RAB38: variants seen among roughly 807,000 people sequenced by gnomAD.
The protein encoded by RAB38 is RAB38, member RAS oncogene family.
Under a neutral mutation model 18.4 loss-of-function variants are expected in RAB38, and 15 were observed. The observed-to-expected ratio is 0.82, with a 90% CI of 0.55 to 1.26. The LOEUF is 1.26. Ranked by LOEUF, RAB38 falls within the 50% of genes most tolerant of loss-of-function variation. The probability of loss-of-function intolerance (pLI) is 0.00; values close to 1 mark genes in which losing one functional copy is unlikely to be tolerated. For missense variants in RAB38, 294 were observed against 267.4 expected (o/e 1.10, Z -0.69); for synonymous variants, 101 against 104.4 (o/e 0.97, Z 0.20).
the RAB38 span, among the ~76,000 whole-genome samples, chr11:87,889,030 A>G: frequency 6.6e-6 from 1 of 151,958 alleles, no homozygotes; most frequent in African/African-American, 2.4e-5. Context: ...AACACACAGA[A>G]CAGAACACTC....
chr11:88,089,489 A>T, the RAB38 span, among the ~76,000 whole-genome samples: 2 of 152,032 alleles, frequency 1.3e-5, no homozygotes, highest in Admixed American at 6.5e-5. Flanking sequence ...CTGCATTAAT[A>T]TATTTCCTGA....
the RAB38 span, among the ~76,000 whole-genome samples, chr11:88,014,841 A>G: frequency 6.6e-6 from 1 of 152,162 alleles, no homozygotes; most frequent in African/African-American, 2.4e-5. Flanking sequence ...TCAGGGCACT[A>G]CTGGAAATGT....
At chr11:87,842,845 C>G in the RAB38 span, among the ~76,000 whole-genome samples, 1 of 134,306 alleles carries the variant, frequency 7.4e-6, no homozygotes, top group Non-Finnish European at 1.6e-5. Flanking sequence ...CACACACACA[C>G]AAATCCCTTT....
intron 1 of RAB38, chr11:88,173,424 A>G (rs1943334819): frequency 7.3e-6 from 5 of 680,576 alleles, no homozygotes; most frequent in East Asian, 1.4e-4. Context: ...AAGATTGCCT[A>G]CTACATGCAG....
intron 1 of RAB38, among the ~76,000 whole-genome samples, chr11:88,155,968 C>T (rs1254138185): frequency 6.6e-6 from 1 of 152,032 alleles, no homozygotes; most frequent in Non-Finnish European, 1.5e-5. Flanking sequence ...CCCAGTCAGA[C>T]ATACATAAAA....
At chr11:88,080,903 A>G in the RAB38 span, among the ~76,000 whole-genome samples, 2 of 151,702 alleles carry the variant, frequency 1.3e-5, no homozygotes, top group Non-Finnish European at 3.0e-5. Flanking sequence ...AAAGAAGAAA[A>G]TAAAATAATA....
chr11:88,103,827 T>C, the RAB38 span, among the ~76,000 whole-genome samples: 2 of 152,158 alleles, frequency 1.3e-5, no homozygotes, highest in East Asian at 3.9e-4. Flanking sequence ...AGTGAGATCC[T>C]GCAGGAGGGA....
At chr11:87,974,107 A>G in the RAB38 span, among the ~76,000 whole-genome samples, 9 of 152,006 alleles carry the variant, frequency 5.9e-5, no homozygotes, top group Non-Finnish European at 1.0e-4. Flanking sequence ...ATAGTCAAAG[A>G]AGGAGGCAAA....
chr11:88,048,551 C>T, the RAB38 span, among the ~76,000 whole-genome samples: 4,426 of 152,232 alleles, frequency 0.029, 143 homozygotes, highest in East Asian at 0.15. Flanking sequence ...GGCCTGTCCT[C>T]GGAATGCTAC....
the RAB38 span, among the ~76,000 whole-genome samples, chr11:87,850,851 C>T: frequency 1.3e-5 from 2 of 152,244 alleles, no homozygotes; most frequent in South Asian, 4.1e-4. Flanking sequence ...TAGTGCTACA[C>T]CTTTCTTTAA....
At chr11:88,016,616 A>G in the RAB38 span, among the ~76,000 whole-genome samples, 3 of 151,938 alleles carry the variant, frequency 2.0e-5, no homozygotes, top group Non-Finnish European at 4.4e-5. Context: ...CACAAGGGGG[A>G]GCACTAATAC....
the RAB38 span, among the ~76,000 whole-genome samples, chr11:88,008,206 G>A: frequency 1.3e-5 from 2 of 152,044 alleles, no homozygotes; most frequent in African/African-American, 2.4e-5. Context: ...TATATTTACT[G>A]TATGTAAATT....
At chr11:88,161,298 C>T (rs2134845181) in intron 1 of RAB38, among the ~76,000 whole-genome samples, 1 of 152,092 alleles carries the variant, frequency 6.6e-6, no homozygotes, top group Middle Eastern at 3.4e-3. Flanking sequence ...AGCCTGAATT[C>T]CCTCCTCATC....
chr11:87,930,550 G>T, the RAB38 span, among the ~76,000 whole-genome samples: 2 of 152,104 alleles, frequency 1.3e-5, no homozygotes, highest in Non-Finnish European at 2.9e-5. Context: ...CTTTTGCTGT[G>T]CAGAAACTCT....
the RAB38 span, among the ~76,000 whole-genome samples, chr11:87,840,482 C>A: frequency 1.3e-5 from 2 of 152,148 alleles, no homozygotes; most frequent in South Asian, 2.1e-4. Flanking sequence ...GTCGGACTAC[C>A]TTTTCATCCA....
chr11:88,048,311 C>T, the RAB38 span, among the ~76,000 whole-genome samples: 3 of 152,200 alleles, frequency 2.0e-5, no homozygotes, highest in South Asian at 2.1e-4. Flanking sequence ...TCGGTTTGGC[C>T]TTCTCACTTC....
At chr11:88,025,132 A>G in the RAB38 span, among the ~76,000 whole-genome samples, 2 of 151,682 alleles carry the variant, frequency 1.3e-5, no homozygotes, top group African/African-American at 4.8e-5. Flanking sequence ...TATATCTCAT[A>G]TTTACACCTA....
chr11:87,948,186 G>T, the RAB38 span, among the ~76,000 whole-genome samples: 1 of 151,976 alleles, frequency 6.6e-6, no homozygotes, highest in Non-Finnish European at 1.5e-5. Flanking sequence ...TCATGATTTG[G>T]CTCTCTGTTT....
chr11:87,850,980 C>T, the RAB38 span, among the ~76,000 whole-genome samples: 3,790 of 152,278 alleles, frequency 0.025, 90 homozygotes, highest in African/African-American at 0.064. Flanking sequence ...ACTGATTCAG[C>T]TATGACAGCC....
Sources: allele counts gnomAD v4.1 joint callset (sites outside exome capture counted in the v4.1 genomes callset), GRCh38; gene constraint gnomAD v4.1.1; transcripts MANE v1.5; gene names NCBI Gene and HGNC (gene_info 2026-07-23, HGNC 2026-07-21).